The following CADM2 variants were observed in gnomAD, a reference collection of about 807,000 sequenced individuals.
CADM2 encodes immunoglobulin superfamily member 4D.
CADM2 carries 12 observed loss-of-function variants against 49.8 expected under a neutral mutation model. The ratio of observed to expected loss-of-function variants is 0.24; its 90% CI spans 0.15 to 0.39. The LOEUF is 0.39. Ranked by LOEUF, CADM2 falls within the 10% of genes least tolerant of loss-of-function variation. The pLI is 1.00. For synonymous variants in CADM2, 214 were observed against 175.4 expected (o/e 1.22, Z -1.74); for missense variants, 378 against 492.3 (o/e 0.77, Z 2.20).
intron 1 of CADM2, among the ~76,000 whole-genome samples, chr3:85,719,637 T>C (rs1169802519): frequency 6.6e-6 from 1 of 151,394 alleles, no homozygotes; most frequent in Non-Finnish European, 1.5e-5. Context: ...CTTCTTCACA[T>C]TGATTAGGCT....
At chr3:85,066,708 C>G (rs912201336) in intron 1 of CADM2, among the ~76,000 whole-genome samples, 1 of 152,150 alleles carries the variant, frequency 6.6e-6, no homozygotes, top group Non-Finnish European at 1.5e-5. Context: ...TTGGTCAAAT[C>G]TCATTAGTTC....
chr3:85,739,474 G>T (rs1200424235), intron 2 of CADM2, among the ~76,000 whole-genome samples: 1 of 151,910 alleles, frequency 6.6e-6, no homozygotes, highest in Non-Finnish European at 1.5e-5. Context: ...ATTGATATTT[G>T]TAAAAATATA....
intron 1 of CADM2, among the ~76,000 whole-genome samples, chr3:85,464,202 T>A (rs1383429116): frequency 6.6e-6 from 1 of 152,158 alleles, no homozygotes; most frequent in Non-Finnish European, 1.5e-5. Flanking sequence ...TTTCCACATG[T>A]GTATAAAATA....
At chr3:84,966,595 C>G (rs758662999) in intron 1 of CADM2, among the ~76,000 whole-genome samples, 3 of 151,954 alleles carry the variant, frequency 2.0e-5, no homozygotes, top group African/African-American at 7.2e-5. Flanking sequence ...CTGCATCTAT[C>G]TTTGTGCTTA....
At chr3:84,972,970 A>C (rs553318411) in intron 1 of CADM2, among the ~76,000 whole-genome samples, 1 of 152,120 alleles carries the variant, frequency 6.6e-6, no homozygotes, top group Non-Finnish European at 1.5e-5. Context: ...GCTAGAGTGC[A>C]GTGGCATGAT....
chr3:85,305,799 C>G (rs1349872090), intron 1 of CADM2, among the ~76,000 whole-genome samples: 4 of 151,646 alleles, frequency 2.6e-5, no homozygotes, highest in Non-Finnish European at 5.9e-5. Context: ...AAACAATTTA[C>G]TTACTTTAAT....
intron 1 of CADM2, among the ~76,000 whole-genome samples, chr3:85,714,348 T>C (rs1419951018): frequency 6.6e-6 from 1 of 152,198 alleles, no homozygotes; most frequent in Non-Finnish European, 1.5e-5. Flanking sequence ...CTCTACTTAG[T>C]AATATCACCT....
At chr3:85,975,046 T>C (rs1726602325) in intron 8 of CADM2, among the ~76,000 whole-genome samples, 2 of 151,224 alleles carry the variant, frequency 1.3e-5, no homozygotes, top group Admixed American at 1.3e-4. Flanking sequence ...GATAGACAGA[T>C]AGATAGATAG....
intron 7 of CADM2, among the ~76,000 whole-genome samples, chr3:85,944,988 A>G (rs1722472829): frequency 6.6e-6 from 1 of 152,096 alleles, no homozygotes; most frequent in Non-Finnish European, 1.5e-5. Flanking sequence ...TGAATCCAGG[A>G]GCTGGTTTTT....
chr3:85,330,401 A>G (rs1049112787), intron 1 of CADM2, among the ~76,000 whole-genome samples: 2 of 152,032 alleles, frequency 1.3e-5, no homozygotes, highest in Non-Finnish European at 2.9e-5. Flanking sequence ...AAACTCTTGT[A>G]TGTTTTAAAT....
intron 1 of CADM2, among the ~76,000 whole-genome samples, chr3:85,437,451 A>G (rs2036984507): frequency 6.6e-6 from 1 of 152,072 alleles, no homozygotes; most frequent in African/African-American, 2.4e-5. Flanking sequence ...TGGCTATGCC[A>G]CTTTGCATTC....
intron 8 of CADM2, among the ~76,000 whole-genome samples, chr3:85,962,880 A>G (rs1457175271): frequency 3.3e-5 from 5 of 151,956 alleles, no homozygotes; most frequent in Non-Finnish European, 7.4e-5. Flanking sequence ...CTTAGAAACT[A>G]TGGACAAAAT....
At chr3:85,908,796 C>T (rs951433796) in intron 5 of CADM2, among the ~76,000 whole-genome samples, 2 of 151,188 alleles carry the variant, frequency 1.3e-5, no homozygotes, top group African/African-American at 2.4e-5. Context: ...GTGGTCTCTG[C>T]TCACTGCAAC....
At chr3:85,296,692 A>G (rs555548206) in intron 1 of CADM2, among the ~76,000 whole-genome samples, 2 of 152,200 alleles carry the variant, frequency 1.3e-5, no homozygotes, top group Non-Finnish European at 1.5e-5. Context: ...CTTCATTCTC[A>G]TTATTCCCTT....
chr3:85,071,907 T>C (rs1244996810), intron 1 of CADM2, among the ~76,000 whole-genome samples: 1 of 151,544 alleles, frequency 6.6e-6, no homozygotes, highest in Non-Finnish European at 1.5e-5. Context: ...ATTCTGGTTG[T>C]TATTTTTATC....
chr3:85,508,596 T>C (rs1271605723), intron 1 of CADM2, among the ~76,000 whole-genome samples: 1 of 152,166 alleles, frequency 6.6e-6, no homozygotes, highest in East Asian at 1.9e-4. Flanking sequence ...AAATAAAATA[T>C]GGGAAATGCT....
At chr3:85,775,649 A>G (rs1204968987) in intron 2 of CADM2, among the ~76,000 whole-genome samples, 1 of 151,868 alleles carries the variant, frequency 6.6e-6, no homozygotes, top group African/African-American at 2.4e-5. Flanking sequence ...ATTCAGCTCT[A>G]TAAAATAGAT....
chr3:85,525,174 A>T (rs1215942602), intron 1 of CADM2, among the ~76,000 whole-genome samples: 1 of 152,228 alleles, frequency 6.6e-6, no homozygotes, highest in East Asian at 1.9e-4. Context: ...AAAAAATAAA[A>T]CATAAAGTTT....
chr3:85,610,528 C>T (rs2063655967), intron 1 of CADM2, among the ~76,000 whole-genome samples: 1 of 151,780 alleles, frequency 6.6e-6, no homozygotes, highest in Non-Finnish European at 1.5e-5. Context: ...TGAGTGCTTA[C>T]GATGCACCAG....
Sources: gnomAD v4.1 joint callset for allele counts (sites outside exome capture counted in the v4.1 genomes callset) on GRCh38, gnomAD v4.1.1 for gene constraint, MANE v1.5 for transcripts, NCBI Gene and HGNC (gene_info 2026-07-23, HGNC 2026-07-21) for gene names.